RHBDD1: variants seen among roughly 807,000 people sequenced by gnomAD.
The protein encoded by RHBDD1 is rhomboid domain containing 1.
A neutral mutation model predicts 36.3 loss-of-function variants in RHBDD1; 38 were observed. That is an observed-to-expected ratio of 1.05 (90% confidence interval 0.81 to 1.37). The LOEUF (loss-of-function observed/expected upper bound fraction) is 1.37. Among genes scored for constraint, RHBDD1 ranks in the 40% most tolerant of loss-of-function variants. The pLI is 0.00. For missense variants in RHBDD1, 393 were observed against 377.6 expected, an observed-to-expected ratio of 1.04 and a Z score of -0.34; for synonymous variants, 151 against 136.5, an observed-to-expected ratio of 1.11 and a Z score of -0.74.
intron 3 of RHBDD1, among the ~76,000 whole-genome samples, chr2:226,840,333 T>C (rs796160413): frequency 3.9e-5 from 6 of 152,210 alleles, no homozygotes; most frequent in African/African-American, 1.4e-4. Flanking sequence ...CAACTAACAA[T>C]GTGTGCATTC....
intron 5 of RHBDD1, among the ~76,000 whole-genome samples, chr2:226,890,905 T>C (rs149451286): frequency 1.2e-3 from 182 of 152,304 alleles, no homozygotes; most frequent in African/African-American, 4.1e-3. Context: ...AATGGTGTAC[T>C]TTAAGGTTCC....
intron 8 of RHBDD1, among the ~76,000 whole-genome samples, chr2:226,966,225 C>T (rs1952617706): frequency 6.6e-6 from 1 of 152,128 alleles, no homozygotes; most frequent in Non-Finnish European, 1.5e-5. Context: ...ATGGAGAGTT[C>T]CCCAGGTGAG....
chr2:226,939,481 A>G (rs1332467230), intron 8 of RHBDD1, among the ~76,000 whole-genome samples: 1 of 152,172 alleles, frequency 6.6e-6, no homozygotes, highest in Non-Finnish European at 1.5e-5. Flanking sequence ...TACACCAACA[A>G]CAGACAAGCT....
chr2:226,941,523 T>C (rs959153642), intron 8 of RHBDD1, among the ~76,000 whole-genome samples: 1 of 152,228 alleles, frequency 6.6e-6, no homozygotes, highest in African/African-American at 2.4e-5. Context: ...GGTTTTGTTT[T>C]GCTATGGGAA....
chr2:226,867,526 G>T lies in RHBDD1; in HGVS notation c.566+208G>T, dbSNP rs1192221727. ...TAAGCTGTATAATTTTGGGTCACTT[G>T]TCTTAACTGAGTTGCAGATTCCTCA... On this transcript the variant is annotated intron_variant, in intron 5 of 8. Transcript: ENST00000392062. The T allele has an allele frequency of 4.2e-6, 4 of 961,754 alleles. No individual in the cohort carries two copies. In the African/African-American group the frequency reaches 7.1e-5, roughly 17 times the overall value. The allele number at this position is 961,754 out of a possible 1,614,324, so 59.6% of individuals were successfully genotyped here.
At chr2:226,916,330 A>G (rs1305964854) in intron 8 of RHBDD1, among the ~76,000 whole-genome samples, 1 of 152,202 alleles carries the variant, frequency 6.6e-6, no homozygotes, top group African/African-American at 2.4e-5. Context: ...TGCCAGTATC[A>G]CAGTCATTCA....
In RHBDD1 at chr2:226,929,077, A is replaced by G. The variant is rs115191854; in HGVS notation, c.856+14726A>G. Among the ~76,000 whole-genome samples the G allele has an allele frequency of 6.6e-3, 1,010 of 152,238 alleles. 6 individuals carry two copies. The highest frequency in any genetic ancestry group is 0.023 in the African/African-American group (946 of 41,588). On this transcript the variant is annotated intron_variant, in intron 8 of 8. Coordinates refer to ENST00000392062, the MANE Select transcript of RHBDD1 (RefSeq NM_001167608.3). ...ACAGCCAAATTCTACCAGACATTCA[A>G]AGAATTGGTACCAGTCCTACTGAAA...
intron 8 of RHBDD1, among the ~76,000 whole-genome samples, chr2:226,929,818 A>G (rs1342538080): frequency 2.0e-5 from 3 of 152,090 alleles, no homozygotes; most frequent in Non-Finnish European, 4.4e-5. Context: ...AAACTAATGT[A>G]TACAAATCAG....
chr2:226,879,105 T>C (rs373931183), intron 5 of RHBDD1, among the ~76,000 whole-genome samples: 3 of 150,518 alleles, frequency 2.0e-5, no homozygotes, highest in Non-Finnish European at 1.5e-5. Flanking sequence ...CATAGAAATA[T>C]TAGTGTTACA....
intron 8 of RHBDD1, among the ~76,000 whole-genome samples, chr2:226,963,679 A>G (rs112196559): frequency 1.3e-5 from 2 of 152,116 alleles, no homozygotes; most frequent in African/African-American, 4.8e-5. Flanking sequence ...GAAAAATCCC[A>G]GACTTGAGTG....
chr2:226,910,490 T>G (rs1948442896), intron 7 of RHBDD1, among the ~76,000 whole-genome samples: 2 of 152,112 alleles, frequency 1.3e-5, no homozygotes, highest in African/African-American at 4.8e-5. Flanking sequence ...GGAAAAGTCT[T>G]TATAGGTCAA....
intron 3 of RHBDD1, among the ~76,000 whole-genome samples, chr2:226,862,658 T>C (rs1943956663): frequency 6.6e-6 from 1 of 152,226 alleles, no homozygotes; most frequent in Admixed American, 6.5e-5. Flanking sequence ...TAGCTTCTTC[T>C]CATGAGCATG....
the RHBDD1 span, among the ~76,000 whole-genome samples, chr2:226,801,390 A>AGAT: frequency 2.0e-5 from 3 of 152,108 alleles, no homozygotes; most frequent in Admixed American, 1.3e-4. Flanking sequence ...AAGAAAAAGA[A>AGAT]GATGATGATG....
At chr2:226,939,108 A>G (rs1453944881) in intron 8 of RHBDD1, among the ~76,000 whole-genome samples, 1 of 152,234 alleles carries the variant, frequency 6.6e-6, no homozygotes, top group Non-Finnish European at 1.5e-5. Context: ...TCAATAAACT[A>G]GGTATTGAAG....
chr2:226,953,376 C>A lies in RHBDD1; in HGVS notation c.856+39025C>A, dbSNP rs117653622. The stretch of plus-strand genomic sequence containing the variant: ...AAATGTTAGTTTGAGAGCCAAATGG[C>A]AGCGGTTTGGCCCTAGAAGAATTAC... On this transcript the variant is annotated intron_variant, in intron 8 of 8. Coordinates refer to ENST00000392062, the MANE Select transcript of RHBDD1 (RefSeq NM_001167608.3). 9.6e-3 allele frequency among the ~76,000 whole-genome samples: 1,466 copies of A among 152,196 alleles called. 41 individuals carry two copies. The highest frequency in any genetic ancestry group is 0.065 in the Admixed American group (988 of 15,286).
At chr2:226,840,881 T>A (rs72965975) in intron 3 of RHBDD1, among the ~76,000 whole-genome samples, 5,086 of 152,102 alleles carry the variant, frequency 0.033, 115 homozygotes, top group Non-Finnish European at 0.051. Context: ...ACATATAATT[T>A]GGGTTTTTTT....
intron 5 of RHBDD1, among the ~76,000 whole-genome samples, chr2:226,882,165 C>T (rs1240460443): frequency 6.6e-6 from 1 of 152,116 alleles, no homozygotes; most frequent in Non-Finnish European, 1.5e-5. Flanking sequence ...CACAGTGGCT[C>T]ACGCCTGTAA....
intron 8 of RHBDD1, among the ~76,000 whole-genome samples, chr2:226,941,852 A>G (rs1246266861): frequency 1.3e-5 from 2 of 152,190 alleles, no homozygotes; most frequent in Non-Finnish European, 2.9e-5. Flanking sequence ...TTCCAGGTTA[A>G]TGAGTATTAG....
chr2:226,815,714 A>G, the RHBDD1 span, among the ~76,000 whole-genome samples: 3 of 143,810 alleles, frequency 2.1e-5, no homozygotes, highest in Non-Finnish European at 3.0e-5. Flanking sequence ...TACTCTGGAG[A>G]AAAAAAAAAT....
Sources: gnomAD v4.1 joint callset for allele counts (sites outside exome capture counted in the v4.1 genomes callset) on GRCh38, gnomAD v4.1.1 for gene constraint, MANE v1.5 for transcripts, NCBI Gene and HGNC (gene_info 2026-07-23, HGNC 2026-07-21) for gene names.